Variants in ATP8B4 observed in about 807,000 individuals in gnomAD.
ATP8B4 encodes the protein ATPase phospholipid transporting 8B4 (putative).
ATP8B4 carries 133 observed loss-of-function variants against 145.6 expected under a neutral mutation model. The ratio of observed to expected loss-of-function variants is 0.91; its 90% CI spans 0.79 to 1.05. The LOEUF (loss-of-function observed/expected upper bound fraction) is 1.05, where lower values mean the gene tolerates loss of function less well. ATP8B4 is among the 50% of genes least tolerant of loss of function. ATP8B4 has a pLI of 0.00. For missense variants in ATP8B4, 1,458 were observed against 1,425.2 expected (o/e 1.02, Z -0.37); for synonymous variants, 507 against 492.9 (o/e 1.03, Z -0.38).
At chr15:49,896,648 T>C (rs1474434951) in intron 23 of ATP8B4, 2 of 152,240 alleles carry the variant, frequency 1.3e-5, no homozygotes, top group Admixed American at 1.3e-4. Flanking sequence ...TTTATAAGTA[T>C]ATTTAAATGA....
At chr15:50,072,874 C>G (rs1453653050) in intron 3 of ATP8B4, among the ~76,000 whole-genome samples, 4 of 144,508 alleles carry the variant, frequency 2.8e-5, no homozygotes, top group African/African-American at 1.0e-4. Context: ...CCCACCTTGG[C>G]CTCCCAAACT....
intron 13 of ATP8B4, among the ~76,000 whole-genome samples, chr15:49,967,132 C>A (rs1479091419): frequency 6.6e-6 from 1 of 152,124 alleles, no homozygotes; most frequent in Admixed American, 6.5e-5. Flanking sequence ...ACAACAAAGA[C>A]CAAAGGTAGA....
chr15:50,059,178 T>C (rs1314050702), intron 3 of ATP8B4, among the ~76,000 whole-genome samples: 2 of 152,106 alleles, frequency 1.3e-5, no homozygotes, highest in African/African-American at 2.4e-5. Context: ...TGATTACATA[T>C]ACAAAAATAG....
At chr15:49,866,138 G>A (rs1047902115) in intron 26 of ATP8B4, among the ~76,000 whole-genome samples, 8 of 152,196 alleles carry the variant, frequency 5.3e-5, no homozygotes, top group Non-Finnish European at 1.2e-4. Context: ...AAGCTACTGT[G>A]AGTGATTCTT....
At chr15:50,092,157 T>G (rs1416300491) in intron 2 of ATP8B4, among the ~76,000 whole-genome samples, 1 of 152,108 alleles carries the variant, frequency 6.6e-6, no homozygotes, top group Non-Finnish European at 1.5e-5. Context: ...AGGATTATAT[T>G]TGATGAGACA....
intron 6 of ATP8B4, among the ~76,000 whole-genome samples, chr15:50,020,373 A>C (rs2049453864): frequency 6.6e-6 from 1 of 150,502 alleles, no homozygotes; most frequent in African/African-American, 2.4e-5. Flanking sequence ...AGGTTCAAGC[A>C]GTTGTCCTGC....
rs1013247063 is a variant in ATP8B4 at position 49,901,710 on chromosome 15, G to A, written c.2142-471C>T. On this transcript the variant is annotated intron_variant, in intron 20 of 27. Transcript: ENST00000284509. ...ATCAATTTGAGGTACAATGTAATAC[G>A]ATCCAGCTTAAAATAGTCCTCTGAG... is the stretch of plus-strand genomic sequence containing the variant. 19 of 355,174 alleles carry A rather than the reference G, an allele frequency of 5.3e-5. 1 individual carries two copies. The highest frequency in any genetic ancestry group is 7.6e-5 in the Non-Finnish European group (14 of 184,954). The allele number at this position is 355,174 out of a possible 1,614,324, so 22.0% of individuals were successfully genotyped here.
At chr15:49,986,507 C>T (rs765799005) in intron 10 of ATP8B4, among the ~76,000 whole-genome samples, 23 of 152,218 alleles carry the variant, frequency 1.5e-4, no homozygotes, top group Admixed American at 5.9e-4. Context: ...AAGAGCACTG[C>T]TAACACCAAC....
At chr15:49,921,381 A>G (rs1300962597) in intron 17 of ATP8B4, among the ~76,000 whole-genome samples, 4 of 152,186 alleles carry the variant, frequency 2.6e-5, no homozygotes, top group Non-Finnish European at 5.9e-5. Flanking sequence ...TTTTTCCTGT[A>G]TCGTGACAAT....
At chr15:50,072,923 T>TCTCTCTCTCTCC (rs2053846839) in intron 3 of ATP8B4, among the ~76,000 whole-genome samples, 1 of 13,046 alleles carries the variant, frequency 7.7e-5, no homozygotes, top group African/African-American at 2.8e-4. Context: ...GTGCCCGGCC[T>TCTCTCTCTCTCC]CTCTCTCTCT....
At chr15:49,891,512 G>A (rs188984573) in intron 23 of ATP8B4, among the ~76,000 whole-genome samples, 116 of 152,188 alleles carry the variant, frequency 7.6e-4, no homozygotes, top group African/African-American at 2.6e-3. Flanking sequence ...TTTTAGTAGA[G>A]ACGAAGTTTT....
chr15:49,962,854 A>AT (rs1331056280), intron 13 of ATP8B4, among the ~76,000 whole-genome samples: 1 of 152,036 alleles, frequency 6.6e-6, no homozygotes, highest in South Asian at 2.1e-4. Context: ...CCCTTTCCCT[A>AT]TTGTGAGTCA....
At chr15:50,160,615 T>C (rs2044503830) in intron 1 of ATP8B4, among the ~76,000 whole-genome samples, 1 of 152,114 alleles carries the variant, frequency 6.6e-6, no homozygotes, top group South Asian at 2.1e-4. Context: ...AATTTCCTTC[T>C]TATTTTTTCA....
chr15:50,149,556 C>G (rs2044321175), intron 1 of ATP8B4, among the ~76,000 whole-genome samples: 7 of 151,930 alleles, frequency 4.6e-5, no homozygotes, highest in Admixed American at 4.6e-4. Context: ...AGAGAAATAA[C>G]CACAATAATA....
intron 2 of ATP8B4, among the ~76,000 whole-genome samples, chr15:50,101,169 G>A (rs963413539): frequency 6.6e-6 from 1 of 152,112 alleles, no homozygotes; most frequent in African/African-American, 2.4e-5. Context: ...GAGATGTACT[G>A]GGGACTACTG....
intron 6 of ATP8B4, among the ~76,000 whole-genome samples, chr15:50,020,271 T>G (rs2414000): frequency 0.59 from 85,368 of 144,234 alleles, 25,917 homozygotes; most frequent in East Asian, 0.99. Flanking sequence ...GAGTTTTTTG[T>G]TTTTTTTTTT....
At chr15:50,153,108 A>G (rs2044367232) in intron 1 of ATP8B4, among the ~76,000 whole-genome samples, 1 of 152,226 alleles carries the variant, frequency 6.6e-6, no homozygotes, top group Non-Finnish European at 1.5e-5. Context: ...TCTTGGAAAA[A>G]GTAAGAGCAT....
At chr15:49,949,241 C>T (rs1167112893) in intron 14 of ATP8B4, among the ~76,000 whole-genome samples, 1 of 152,144 alleles carries the variant, frequency 6.6e-6, no homozygotes, top group Non-Finnish European at 1.5e-5. Flanking sequence ...AGCATTGAAT[C>T]TATAAATTAC....
chr15:50,108,442 G>C (rs2056789665), intron 1 of ATP8B4, among the ~76,000 whole-genome samples: 1 of 152,082 alleles, frequency 6.6e-6, no homozygotes, highest in Non-Finnish European at 1.5e-5. Flanking sequence ...ATGACTCCTA[G>C]GACCTTCTGC....
Sources: allele counts gnomAD v4.1 joint callset (sites outside exome capture counted in the v4.1 genomes callset), GRCh38; gene constraint gnomAD v4.1.1; transcripts MANE v1.5; gene names NCBI Gene and HGNC (gene_info 2026-07-23, HGNC 2026-07-21).